The following PIGK variants were observed in gnomAD, a reference collection of about 807,000 sequenced individuals.
PIGK encodes the protein GPI-anchor transamidase.
PIGK carries 42 observed loss-of-function variants against 50.6 expected under a neutral mutation model. The observed-to-expected ratio is 0.83, with a 90% CI of 0.65 to 1.07. The LOEUF is 1.07. PIGK is among the 50% of genes least tolerant of loss of function. The pLI is 0.00. For synonymous variants in PIGK, 151 were observed against 156.0 expected (o/e 0.97, Z 0.24); for missense variants, 448 against 488.7 (o/e 0.92, Z 0.78).
intron 9 of PIGK, among the ~76,000 whole-genome samples, chr1:77,145,102 G>A (rs539294330): frequency 4.6e-5 from 7 of 151,840 alleles, no homozygotes; most frequent in Non-Finnish European, 5.9e-5. Flanking sequence ...AATTTTAAGC[G>A]AATCATGTGA....
intron 1 of PIGK, 48 bp downstream of exon 1, chr1:77,219,262 G>A: frequency 6.9e-7 from 1 of 1,458,038 alleles, no homozygotes; most frequent in Non-Finnish European, 9.6e-7. Context: ...TCTGCTGGAG[G>A]GCTCACAGCC....
intron 4 of PIGK, among the ~76,000 whole-genome samples, chr1:77,168,535 T>G (rs1320567165): frequency 6.6e-6 from 1 of 151,768 alleles, no homozygotes; most frequent in Non-Finnish European, 1.5e-5. Context: ...CATTTTTGAG[T>G]GCCTAACACC....
At chr1:77,113,494 C>T (rs1653899150) in intron 10 of PIGK, among the ~76,000 whole-genome samples, 1 of 152,002 alleles carries the variant, frequency 6.6e-6, no homozygotes, top group Non-Finnish European at 1.5e-5. Flanking sequence ...TAAGTTAATG[C>T]TTATCAAGGC....
rs1427256586 is a variant in PIGK at position 77,161,373 on chromosome 1, A to T, written c.735T>A (p.Leu245=). 1 of 1,603,016 alleles carries T rather than the reference A, an allele frequency of 6.2e-7. No homozygotes were observed. The highest frequency in any genetic ancestry group is 1.3e-5 in the African/African-American group (1 of 74,714). Residue 245 remains leucine (L), a synonymous_variant, in exon 8 of 11, where the codon CTT becomes CTA. Coordinates refer to ENST00000370812, the MANE Select transcript of PIGK (RefSeq NM_005482.3). ...HQPDPAIGVH[L]MDRYTFYVLE... is the part of the protein sequence containing the mutation. ...AGACATAAAATGTGTATCTATCCATAAGATGGACTCCAATTGCAGGATCAG... is the reference window on the plus strand; with the variant it reads ...AGACATAAAATGTGTATCTATCCATTAGATGGACTCCAATTGCAGGATCAG...
intron 1 of PIGK, among the ~76,000 whole-genome samples, chr1:77,212,674 T>A (rs951455133): frequency 4.6e-5 from 7 of 152,144 alleles, no homozygotes; most frequent in Non-Finnish European, 7.4e-5. Context: ...TTAGATCAGA[T>A]AAAAGACTTT....
At chr1:77,101,575 A>G (rs574590436) in intron 10 of PIGK, among the ~76,000 whole-genome samples, 1 of 152,344 alleles carries the variant, frequency 6.6e-6, no homozygotes, top group East Asian at 1.9e-4. Context: ...AATATAAAAT[A>G]CTCAAATATA....
intron 2 of PIGK, among the ~76,000 whole-genome samples, chr1:77,208,268 T>C (rs892448870): frequency 2.6e-5 from 4 of 152,030 alleles, no homozygotes; most frequent in Non-Finnish European, 5.9e-5. Context: ...ATATAATTTA[T>C]TAAAGTTTCA....
chr1:77,197,773 A>C (rs1431418692), intron 3 of PIGK, among the ~76,000 whole-genome samples: 1 of 152,148 alleles, frequency 6.6e-6, no homozygotes, highest in African/African-American at 2.4e-5. Context: ...AACACTATTA[A>C]CTGCCTCCCA....
Position 77,091,575 on chromosome 1 carries a change from A to G in PIGK, c.*799T>C, listed in dbSNP as rs1653298738. ...ACAGAACGCTTACAAATGAAAAACA[A>G]TGGGGTATGTTTCTCTTGAGCAGTC... On this transcript the variant is annotated 3_prime_UTR_variant, in exon 11 of 11. Transcript: ENST00000370812. 6.6e-6 allele frequency: 1 copy of G among 152,206 alleles called. No individual in the cohort carries two copies. Among genetic ancestry groups the G allele is most frequent in the Non-Finnish European group, 1.5e-5 (1 of 68,022 alleles). The allele number at this position is 152,206 out of a possible 1,614,324, so 9.4% of individuals were successfully genotyped here.
intron 9 of PIGK, 107 bp from the exon 10 acceptor site, chr1:77,122,466 T>C: frequency 1.5e-6 from 1 of 664,994 alleles, no homozygotes; most frequent in Admixed American, 2.9e-5. Flanking sequence ...CATAGATTTT[T>C]TTTGAAATAA....
intron 1 of PIGK, among the ~76,000 whole-genome samples, chr1:77,215,451 A>C (rs939942788): frequency 6.6e-6 from 1 of 152,180 alleles, no homozygotes; most frequent in East Asian, 1.9e-4. Context: ...GGAATTGGGA[A>C]TTCTTATACA....
intron 3 of PIGK, among the ~76,000 whole-genome samples, chr1:77,198,763 A>G (rs951054543): frequency 3.9e-5 from 6 of 152,170 alleles, no homozygotes; most frequent in African/African-American, 1.4e-4. Flanking sequence ...AACCTTATTC[A>G]TAAATTGAAA....
In PIGK at chr1:77,092,429, A is replaced by G. The variant is rs1653321790; in HGVS notation, c.1133T>C (p.Ile378Thr). ...ATAAGTTTTGAAGAAAACCATGATA[A>G]TAAGTGCCCATAATCCCAGAATAAA... ...GGFILGLWAL[I>T]IMVFFKTYGI... Residue 378 changes from isoleucine to threonine, a missense_variant, in exon 11 of 11, where the codon ATT becomes ACT. Transcript: ENST00000370812. The G allele has an allele frequency of 6.2e-7, 1 of 1,607,460 alleles. No individual in the cohort carries two copies. Among genetic ancestry groups the G allele is most frequent in the Non-Finnish European group, 8.5e-7 (1 of 1,176,786 alleles).
chr1:77,182,374 T>C (rs1016096603), intron 3 of PIGK, among the ~76,000 whole-genome samples: 1 of 152,202 alleles, frequency 6.6e-6, no homozygotes, highest in African/African-American at 2.4e-5. Flanking sequence ...CTAGCCATAC[T>C]GGCAGCTGCT....
At chr1:77,116,067 G>C (rs1188373867) in intron 10 of PIGK, among the ~76,000 whole-genome samples, 5 of 152,082 alleles carry the variant, frequency 3.3e-5, no homozygotes, top group Admixed American at 6.5e-5. Flanking sequence ...GTTTTTTAAA[G>C]CATACATGGG....
intron 9 of PIGK, among the ~76,000 whole-genome samples, chr1:77,136,524 G>A (rs1158162430): frequency 3.4e-5 from 4 of 116,924 alleles, no homozygotes; most frequent in Admixed American, 1.1e-4. Context: ...GCGACAGAGC[G>A]AGACTCCGTC....
At chr1:77,195,368 A>T (rs1360086662) in intron 3 of PIGK, 1 of 1,234,958 alleles carries the variant, frequency 8.1e-7, no homozygotes, top group Non-Finnish European at 1.2e-6. Flanking sequence ...GCACTTCTCC[A>T]GGACTACATC....
intron 10 of PIGK, among the ~76,000 whole-genome samples, chr1:77,102,149 G>A (rs1336910245): frequency 6.6e-6 from 1 of 152,150 alleles, no homozygotes; most frequent in East Asian, 1.9e-4. Flanking sequence ...TCCATTCAGT[G>A]GATCTCATTT....
chr1:77,109,696 G>A (rs1396872791), intron 10 of PIGK, among the ~76,000 whole-genome samples: 1 of 152,060 alleles, frequency 6.6e-6, no homozygotes, highest in Non-Finnish European at 1.5e-5. Flanking sequence ...TTTGAAAACT[G>A]GCACAAGACA....
Sources: gnomAD v4.1 joint callset for allele counts (sites outside exome capture counted in the v4.1 genomes callset) on GRCh38, gnomAD v4.1.1 for gene constraint, MANE v1.5 for transcripts, NCBI Gene and HGNC (gene_info 2026-07-23, HGNC 2026-07-21) for gene names.